The following EIF4E1B variants were observed in gnomAD, a reference collection of about 807,000 sequenced individuals.
The protein encoded by EIF4E1B is eukaryotic translation initiation factor 4E type 1B.
EIF4E1B carries 22 observed loss-of-function variants against 31.3 expected under a neutral mutation model. That is an observed-to-expected ratio of 0.70 (90% CI 0.50 to 1.00). The LOEUF (loss-of-function observed/expected upper bound fraction) is 1.00, where lower values mean the gene tolerates loss of function less well. EIF4E1B is among the 50% of genes least tolerant of loss of function. The pLI, the probability that EIF4E1B is intolerant of heterozygous loss-of-function variation, is 0.00. For synonymous variants in EIF4E1B, 126 were observed against 120.2 expected, an observed-to-expected ratio of 1.05 and a Z score of -0.31; for missense variants, 290 against 311.6, an observed-to-expected ratio of 0.93 and a Z score of 0.52.
chr5:176,642,855 C>CA (rs904651321), intron 3 of EIF4E1B, 53 bp downstream of exon 3: 42 of 1,276,894 alleles, frequency 3.3e-5, no homozygotes, highest in Middle Eastern at 2.8e-4. Context: ...GCCCTCTCCC[C>CA]CCCCCCCCCC....
intron 1 of EIF4E1B, among the ~76,000 whole-genome samples, chr5:176,640,464 T>C (rs1294716205): frequency 6.6e-6 from 1 of 152,252 alleles, no homozygotes; most frequent in Non-Finnish European, 1.5e-5. Context: ...AATAGATAAG[T>C]GGGACACAGT....
At position 176,643,686 on chromosome 5, in the gene EIF4E1B, A is replaced by G. The variant is rs1581187065; in HGVS notation, c.248A>G (p.Asp83Gly). 6.2e-7 allele frequency: 1 copy of G among 1,613,068 alleles called. No homozygotes were observed. Among genetic ancestry groups the G allele is most frequent in the Non-Finnish European group, 8.5e-7 (1 of 1,179,570 alleles). ...AATGACCGCAGCCGGGCCTGGCAGG[A>G]CAACCTGCACCTGGTCACCAAGGTG... ...FKNDRSRAWQDNLHLVTKVDT... is the reference protein window; with the variant it reads ...FKNDRSRAWQGNLHLVTKVDT... The change falls in exon 5 of 9, where the codon GAC becomes GGC. Residue 83 changes from aspartate to glycine, a missense_variant. Coordinates refer to ENST00000318682, the MANE Select transcript of EIF4E1B (RefSeq NM_001099408.2).
chr5:176,643,917 G>GGA (rs1270245325), intron 5 of EIF4E1B, 183 bp downstream of exon 5: 1 of 634,574 alleles, frequency 1.6e-6, no homozygotes, highest in African/African-American at 1.8e-5. Context: ...TTGGGCTCAG[G>GGA]GAGAGAGCCT....
At chr5:176,634,151 G>T (rs981153754) in intron 1 of EIF4E1B, among the ~76,000 whole-genome samples, 1 of 151,968 alleles carries the variant, frequency 6.6e-6, no homozygotes, top group African/African-American at 2.4e-5. Context: ...GGAGCAGCTT[G>T]GTGGGGGGAT....
In EIF4E1B at chr5:176,642,718, C is replaced by T. The variant is rs1760599739; in HGVS notation, c.-70C>T. On this transcript the variant is annotated 5_prime_UTR_variant, in exon 3 of 9. Coordinates refer to ENST00000318682, the MANE Select transcript of EIF4E1B (RefSeq NM_001099408.2). ...TTGACGCTTACCTTCAGGTCTTGGC[C>T]CCCATGGTGTGGGGCTTGGTCACAG... is the stretch of plus-strand genomic sequence containing the variant. 6.5e-7 allele frequency: 1 copy of T among 1,549,300 alleles called. No individual in the cohort carries two copies. Among genetic ancestry groups the T allele is most frequent in the Non-Finnish European group, 8.7e-7 (1 of 1,146,004 alleles).
At chr5:176,641,509 G>A (rs752494815) in intron 1 of EIF4E1B, among the ~76,000 whole-genome samples, 3 of 152,134 alleles carry the variant, frequency 2.0e-5, no homozygotes, top group Non-Finnish European at 4.4e-5. Flanking sequence ...GGACTTTTTA[G>A]GTTCTCCCAT....
intron 3 of EIF4E1B, 63 bp downstream of exon 3, chr5:176,642,865 C>CACCG (rs56115420): frequency 7.7e-6 from 9 of 1,173,008 alleles, no homozygotes; most frequent in South Asian, 5.5e-5. Context: ...CCCCCCCCCC[C>CACCG]GCCCCAGGTG....
intron 1 of EIF4E1B, among the ~76,000 whole-genome samples, chr5:176,632,113 T>C (rs1356748796): frequency 1.3e-5 from 2 of 152,284 alleles, no homozygotes; most frequent in Non-Finnish European, 2.9e-5. Flanking sequence ...AATTATATTT[T>C]ATGTATAAGT....
rs1297295193 is a variant in EIF4E1B at position 176,630,858 on chromosome 5, TG to T, written c.-406del. On this transcript the variant is annotated 5_prime_UTR_variant, in exon 1 of 9. It introduces an in-frame stop codon into an upstream open reading frame of the 5' UTR. Transcript: ENST00000318682. ...AGTTTCCTCCTCTGTAAAACAGGAA[TG>T]GTTAATTCAACGAATGTTTACTGAG... 1 of 152,286 alleles carries T rather than the reference TG, an allele frequency of 6.6e-6. No homozygotes were observed. Among genetic ancestry groups the T allele is most frequent in the Non-Finnish European group, 1.5e-5 (1 of 68,048 alleles). 9.4% of individuals were successfully genotyped at this position (152,286 alleles called of 1,614,324 possible).
intron 2 of EIF4E1B, among the ~76,000 whole-genome samples, chr5:176,642,503 A>C (rs1332481614): frequency 6.6e-6 from 1 of 152,150 alleles, no homozygotes; most frequent in Non-Finnish European, 1.5e-5. Flanking sequence ...ACAAACAAAC[A>C]AAAAAACTCA....
At chr5:176,637,972 T>A (rs1760520313) in intron 1 of EIF4E1B, among the ~76,000 whole-genome samples, 1 of 152,066 alleles carries the variant, frequency 6.6e-6, no homozygotes, top group Non-Finnish European at 1.5e-5. Context: ...GGGTCCTGGA[T>A]GTTTTGAAGG....
chr5:176,645,715 A>AG lies in EIF4E1B; in HGVS notation c.615-146dup. 1.8e-6 allele frequency: 2 copies of AG among 1,084,058 alleles called. No homozygotes were observed. Among genetic ancestry groups the AG allele is most frequent in the Non-Finnish European group, 2.6e-6 (2 of 772,090 alleles). The allele number at this position is 1,084,058 out of a possible 1,614,324, so 67.2% of individuals were successfully genotyped here. A position where few individuals can be genotyped will look rare whatever the true frequency, so the allele number is the denominator to read the frequency against. ...GCAGTGCAGCTCTCCTTTTGCATTA[A>AG]GGGGGTCATATTTTGGGTTTCCACA... On this transcript the variant is annotated intron_variant, in intron 8 of 8. Coordinates refer to ENST00000318682, the MANE Select transcript of EIF4E1B (RefSeq NM_001099408.2). This position sits in a 1 kb window ranked among gnomAD's most constrained non-coding sequence, Gnocchi z 5.4.
chr5:176,636,823 G>T (rs1760500774), intron 1 of EIF4E1B, among the ~76,000 whole-genome samples: 1 of 152,234 alleles, frequency 6.6e-6, no homozygotes, highest in Non-Finnish European at 1.5e-5. Flanking sequence ...GAGAGGGAAA[G>T]TCACTGGCCT....
At position 176,642,865 on chromosome 5, in the gene EIF4E1B, C is replaced by CCCCCCCCCCCG. The variant is rs56115420; in HGVS notation, c.15+63_15+64insCCCCCCCCCCG. 713 of 1,172,744 alleles carry CCCCCCCCCCCG rather than the reference C, an allele frequency of 6.1e-4. 70 individuals carry two copies. Among genetic ancestry groups the CCCCCCCCCCCG allele is most frequent in the East Asian group, 2.7e-3 (57 of 21,328 alleles). 72.6% of individuals were successfully genotyped at this position (1,172,744 alleles called of 1,614,324 possible). On this transcript the variant is annotated intron_variant, in intron 3 of 8. Transcript: ENST00000318682. ...GCCCCGCCCTCTCCCCCCCCCCCCCCGCCCCAGGTGGGCGGGGCAGGTGCT... is the reference window on the plus strand; with the variant it reads ...GCCCCGCCCTCTCCCCCCCCCCCCCCCCCCCCCCCCGGCCCCAGGTGGGCGGGGCAGGTGCT...
intron 1 of EIF4E1B, among the ~76,000 whole-genome samples, chr5:176,634,673 CT>C (rs70991565): frequency 4.1e-4 from 50 of 123,022 alleles, no homozygotes; most frequent in African/African-American, 1.2e-3. Context: ...TTTTTTTTTT[CT>C]TTTTTTTTTT....
At chr5:176,642,903 G>C (rs1194092844) in intron 3 of EIF4E1B, 101 bp downstream of exon 3, 6 of 1,326,054 alleles carry the variant, frequency 4.5e-6, no homozygotes, top group Middle Eastern at 3.1e-4. Context: ...TGGGTTAAAA[G>C]CTGGTAGCTG....
intron 1 of EIF4E1B, among the ~76,000 whole-genome samples, chr5:176,632,622 G>A (rs1471983303): frequency 1.3e-5 from 2 of 152,190 alleles, no homozygotes; most frequent in Non-Finnish European, 2.9e-5. Context: ...GGACTGAGAG[G>A]GTTCAGGGAA....
chr5:176,646,163 G>GT lies in EIF4E1B; in HGVS notation c.*184dup. 1.7e-6 allele frequency: 1 copy of GT among 582,186 alleles called. No homozygotes were observed. The highest frequency in any genetic ancestry group is 3.0e-5 in the Admixed American group (1 of 33,302). 36.1% of individuals were successfully genotyped at this position (582,186 alleles called of 1,614,324 possible). ...CCTTAGGGGCTAGATGGGGGTAGTG[G>GT]TGGCAGTCTGAGGACCTAGCTTGTC... On this transcript the variant is annotated 3_prime_UTR_variant, in exon 9 of 9. Transcript: ENST00000318682.
At chr5:176,643,412 T>G (rs920713529) in intron 4 of EIF4E1B, 146 bp downstream of exon 4, 12 of 1,130,308 alleles carry the variant, frequency 1.1e-5, no homozygotes, top group Non-Finnish European at 1.4e-5. Flanking sequence ...TTGGGCCCTG[T>G]TGGCCCTTCC....
Sources: gnomAD v4.1 joint callset for allele counts (sites outside exome capture counted in the v4.1 genomes callset) on GRCh38, gnomAD v4.1.1 for gene constraint, Gnocchi (gnomAD v3.1) non-coding constraint, MANE v1.5 for transcripts, NCBI Gene and HGNC (gene_info 2026-07-23, HGNC 2026-07-21) for gene names.